Variants in UBE2Q2 observed in about 807,000 individuals in gnomAD.
UBE2Q2 encodes ubiquitin-conjugating enzyme E2 Q2.
A neutral mutation model predicts 59.9 loss-of-function variants in UBE2Q2; 54 were observed. That is an observed-to-expected ratio of 0.90 (90% CI 0.72 to 1.13). UBE2Q2 has a LOEUF of 1.13. Ranked by LOEUF, UBE2Q2 falls within the 50% of genes most tolerant of loss-of-function variation. The pLI is 0.00. For synonymous variants in UBE2Q2, 165 were observed against 155.2 expected, an observed-to-expected ratio of 1.06 and a Z score of -0.47; for missense variants, 433 against 441.9, an observed-to-expected ratio of 0.98 and a Z score of 0.18.
At chr15:75,895,137 G>A (rs1251418182) in intron 11 of UBE2Q2, 1 of 151,786 alleles carries the variant, frequency 6.6e-6, no homozygotes, top group Non-Finnish European at 1.5e-5. Context: ...AGTGAGCCGA[G>A]ATTGTGCCAC....
chr15:75,890,563 C>G, intron 10 of UBE2Q2, 80 bp downstream of exon 10: 1 of 1,212,476 alleles, frequency 8.2e-7, no homozygotes, highest in East Asian at 2.3e-5. Context: ...GTAGAAAATT[C>G]TTTAATAGCT....
At chr15:75,899,105 C>CA (rs34292081) in intron 12 of UBE2Q2, among the ~76,000 whole-genome samples, 22,900 of 110,914 alleles carry the variant, frequency 0.21, 2,361 homozygotes, top group Admixed American at 0.3. Context: ...TACTAAATAC[C>CA]AAAAAAAAAA....
intron 3 of UBE2Q2, among the ~76,000 whole-genome samples, chr15:75,868,466 G>A (rs1406930283): frequency 6.6e-6 from 1 of 152,090 alleles, no homozygotes; most frequent in African/African-American, 2.4e-5. Context: ...TCTTAGTTTT[G>A]TGAAATGTCT....
In UBE2Q2 at chr15:75,890,420, T is replaced by A; in HGVS notation, c.885-15T>A. Reference sequence around the variant, plus strand: ...ATTCTCGAGAATTTTGTATGACTCCTTTTTTCTTTTTAAGGTATGTATTGG... The same window carrying A: ...ATTCTCGAGAATTTTGTATGACTCCATTTTTCTTTTTAAGGTATGTATTGG... On this transcript the variant is annotated splice_polypyrimidine_tract_variant and intron_variant, in intron 9 of 12. Transcript: ENST00000267938. 6.3e-7 allele frequency: 1 copy of A among 1,583,010 alleles called. No individual in the cohort carries two copies. Among genetic ancestry groups the A allele is most frequent in the Non-Finnish European group, 8.5e-7 (1 of 1,171,736 alleles).
chr15:75,880,626 G>A (rs913944380), intron 8 of UBE2Q2, among the ~76,000 whole-genome samples: 6 of 151,908 alleles, frequency 3.9e-5, no homozygotes. Flanking sequence ...CCAGCCCCCC[G>A]AGTAGCTGGG....
intron 1 of UBE2Q2, 132 bp from the exon 2 acceptor site, chr15:75,854,254 T>G (rs1044990512): frequency 6.8e-6 from 4 of 591,036 alleles, no homozygotes; most frequent in Non-Finnish European, 1.1e-5. Flanking sequence ...ACAAGGTTTT[T>G]AATATGTTGC....
At chr15:75,861,434 A>T (rs1897202945) in intron 3 of UBE2Q2, among the ~76,000 whole-genome samples, 2 of 152,176 alleles carry the variant, frequency 1.3e-5, no homozygotes, top group South Asian at 4.1e-4. Context: ...GCACAACAGT[A>T]TACTTAGTGT....
chr15:75,850,102 T>C (rs1595852551), intron 1 of UBE2Q2, among the ~76,000 whole-genome samples: 1 of 152,196 alleles, frequency 6.6e-6, no homozygotes, highest in Non-Finnish European at 1.5e-5. Context: ...CTCTTAAATG[T>C]TAAACTGAAC....
chr15:75,898,088 T>C (rs1899532067), intron 12 of UBE2Q2, among the ~76,000 whole-genome samples: 1 of 152,190 alleles, frequency 6.6e-6, no homozygotes, highest in Non-Finnish European at 1.5e-5. Flanking sequence ...TTTGATACTT[T>C]ATAGATCTTG....
intron 1 of UBE2Q2, 62 bp downstream of exon 1, chr15:75,843,908 C>A: frequency 6.8e-7 from 1 of 1,480,078 alleles, no homozygotes; most frequent in South Asian, 1.3e-5. Flanking sequence ...CGCTTCGAGT[C>A]CCGGGACAAA....
chr15:75,896,112 T>G (rs1319833921), intron 11 of UBE2Q2, among the ~76,000 whole-genome samples: 1 of 152,178 alleles, frequency 6.6e-6, no homozygotes, highest in African/African-American at 2.4e-5. Context: ...AGCATGCAAC[T>G]GTTAGTGAAG....
At chr15:75,844,417 C>T (rs1463871805) in intron 1 of UBE2Q2, 3 of 1,551,430 alleles carry the variant, frequency 1.9e-6, no homozygotes, top group African/African-American at 2.7e-5. Flanking sequence ...TTTGAGCGAC[C>T]CCTCTCCCCC....
intron 1 of UBE2Q2, among the ~76,000 whole-genome samples, chr15:75,852,989 C>T (rs1385267262): frequency 6.6e-6 from 1 of 152,104 alleles, no homozygotes; most frequent in Non-Finnish European, 1.5e-5. Context: ...TTCCTAAAAT[C>T]GTTTCTGTGA....
chr15:75,879,281 A>C, intron 8 of UBE2Q2, 93 bp downstream of exon 8: 1 of 683,488 alleles, frequency 1.5e-6, no homozygotes, highest in Non-Finnish European at 2.4e-6. Context: ...AGTAGAAGAT[A>C]CTCATACCCT....
intron 12 of UBE2Q2, among the ~76,000 whole-genome samples, chr15:75,897,897 ATTTAT>A (rs2141685185): frequency 6.6e-6 from 1 of 152,190 alleles, no homozygotes; most frequent in South Asian, 2.1e-4. Context: ...TTTTGTGCTC[ATTTAT>A]TTTAATGACA....
At chr15:75,861,730 T>C (rs1052625746) in intron 3 of UBE2Q2, among the ~76,000 whole-genome samples, 1 of 152,232 alleles carries the variant, frequency 6.6e-6, no homozygotes, top group Non-Finnish European at 1.5e-5. Context: ...GTTTTATTTA[T>C]TGTTGCTTAA....
At chr15:75,864,840 T>G (rs1327306713) in intron 3 of UBE2Q2, among the ~76,000 whole-genome samples, 3 of 152,218 alleles carry the variant, frequency 2.0e-5, no homozygotes, top group Non-Finnish European at 4.4e-5. Flanking sequence ...CTTTTTATTT[T>G]GCTTTTTCTA....
At chr15:75,881,050 T>A (rs1364764156) in intron 8 of UBE2Q2, among the ~76,000 whole-genome samples, 1 of 152,148 alleles carries the variant, frequency 6.6e-6, no homozygotes, top group Non-Finnish European at 1.5e-5. Context: ...CTTCCTAAAA[T>A]ATGAGTCTGG....
chr15:75,873,835 A>G (rs539959411), intron 5 of UBE2Q2, among the ~76,000 whole-genome samples: 10 of 152,264 alleles, frequency 6.6e-5, no homozygotes, highest in East Asian at 1.9e-4. Context: ...AGCTTGGACT[A>G]TAGGCACATG....
Sources: gnomAD v4.1 joint callset for allele counts (sites outside exome capture counted in the v4.1 genomes callset) on GRCh38, gnomAD v4.1.1 for gene constraint, MANE v1.5 for transcripts, NCBI Gene and HGNC (gene_info 2026-07-23, HGNC 2026-07-21) for gene names.